The following OSBPL10 variants were observed in gnomAD, a reference collection of about 807,000 sequenced individuals.
OSBPL10 encodes the protein oxysterol binding protein like 10.
In OSBPL10, 49 loss-of-function variants were observed where a neutral mutation model predicts 81.7. The ratio of observed to expected loss-of-function variants is 0.60; its 90% CI spans 0.48 to 0.76. The LOEUF (loss-of-function observed/expected upper bound fraction) is 0.76. OSBPL10 is among the 30% of genes least tolerant of loss of function. The pLI, the probability that OSBPL10 is intolerant of heterozygous loss-of-function variation, is 0.00. For synonymous variants in OSBPL10, 419 were observed against 383.6 expected (o/e 1.09, Z -1.08); for missense variants, 923 against 987.8 (o/e 0.93, Z 0.88).
chr3:31,983,098 A>G (rs770507567), upstream of OSBPL10, among the ~76,000 whole-genome samples: 2 of 152,236 alleles, frequency 1.3e-5, no homozygotes, highest in Admixed American at 6.5e-5. Flanking sequence ...AGTGTTGGCC[A>G]TGTAACATGC....
At chr3:31,958,020 A>C (rs1380294202) in intron 1 of OSBPL10, among the ~76,000 whole-genome samples, 1 of 152,144 alleles carries the variant, frequency 6.6e-6, no homozygotes, top group Admixed American at 6.5e-5. Flanking sequence ...TTCTTGGTTT[A>C]TTGTGTGTGC....
chr3:31,672,748 C>T (rs917646596), intron 8 of OSBPL10, among the ~76,000 whole-genome samples: 6 of 151,972 alleles, frequency 3.9e-5, no homozygotes, highest in African/African-American at 1.4e-4. Context: ...TCTGAAAACC[C>T]AAGCTGACAT....
chr3:31,785,694 T>G (rs1698843205), intron 4 of OSBPL10, among the ~76,000 whole-genome samples: 1 of 152,182 alleles, frequency 6.6e-6, no homozygotes, highest in South Asian at 2.1e-4. Flanking sequence ...CCTCGGCATG[T>G]TTCTCAGTCC....
At chr3:31,687,924 A>T (rs200468032) in intron 7 of OSBPL10, among the ~76,000 whole-genome samples, 1 of 114,984 alleles carries the variant, frequency 8.7e-6, no homozygotes, top group African/African-American at 2.9e-5. Context: ...TAATAATAAT[A>T]ATTTTTTTAA....
intron 8 of OSBPL10, among the ~76,000 whole-genome samples, chr3:31,680,557 G>C (rs1220917736): frequency 6.6e-6 from 1 of 152,212 alleles, no homozygotes; most frequent in African/African-American, 2.4e-5. Context: ...GTGAAATGAG[G>C]ATAGCTGGAC....
intron 8 of OSBPL10, among the ~76,000 whole-genome samples, chr3:31,677,491 C>T (rs1700508506): frequency 1.3e-5 from 2 of 152,290 alleles, no homozygotes; most frequent in South Asian, 4.1e-4. Context: ...AGTCTCTCTC[C>T]AGAATCTTCT....
chr3:31,766,964 G>A (rs1309643363), intron 4 of OSBPL10, among the ~76,000 whole-genome samples: 2 of 152,082 alleles, frequency 1.3e-5, no homozygotes, highest in Non-Finnish European at 2.9e-5. Context: ...AAAGCCAATA[G>A]AATCTGCCAG....
chr3:31,942,557 T>TAAAAAAA (rs1697569784), intron 1 of OSBPL10, among the ~76,000 whole-genome samples: 1 of 114,256 alleles, frequency 8.8e-6, no homozygotes, highest in African/African-American at 3.6e-5. Flanking sequence ...AAAAAAAAAG[T>TAAAAAAA]GACACATTTC....
intron 11 of OSBPL10, 188 bp downstream of exon 11, chr3:31,663,891 G>A: frequency 6.8e-7 from 1 of 1,470,776 alleles, no homozygotes; most frequent in Non-Finnish European, 9.0e-7. Flanking sequence ...AAGGTTTCAT[G>A]AATATTGTGG....
chr3:31,866,087 G>A (rs62243014), intron 3 of OSBPL10, among the ~76,000 whole-genome samples: 24 of 151,976 alleles, frequency 1.6e-4, no homozygotes, highest in Admixed American at 1.0e-3. Flanking sequence ...ACCCCAGGGC[G>A]GGAAAAAGTC....
intron 2 of OSBPL10, among the ~76,000 whole-genome samples, chr3:32,026,061 A>AGATGATAGATAGATAGATGATT (rs71628593): frequency 4.1e-4 from 37 of 90,810 alleles, no homozygotes; most frequent in Non-Finnish European, 5.2e-4. Context: ...GATAGATGAT[A>AGATGATAGATAGATAGATGATT]GATAGATAGA....
intron 3 of OSBPL10, among the ~76,000 whole-genome samples, chr3:31,867,234 G>A (rs1257460702): frequency 1.3e-5 from 2 of 152,146 alleles, no homozygotes; most frequent in Non-Finnish European, 2.9e-5. Context: ...CCAGGAGAGA[G>A]TCAGGCCTGG....
At chr3:31,841,244 G>A (rs1238571534) in intron 3 of OSBPL10, among the ~76,000 whole-genome samples, 1 of 152,228 alleles carries the variant, frequency 6.6e-6, no homozygotes, top group African/African-American at 2.4e-5. Context: ...TTTAGATCCT[G>A]TCTTGGACTT....
At chr3:31,718,449 A>G (rs1696524238) in intron 6 of OSBPL10, among the ~76,000 whole-genome samples, 1 of 152,194 alleles carries the variant, frequency 6.6e-6, no homozygotes, top group Non-Finnish European at 1.5e-5. Context: ...TTTCTGTAGC[A>G]TAAAATAACA....
chr3:31,967,181 G>A (rs544625247), intron 1 of OSBPL10, among the ~76,000 whole-genome samples: 1 of 152,096 alleles, frequency 6.6e-6, no homozygotes, highest in Non-Finnish European at 1.5e-5. Context: ...TTCCCTCACT[G>A]AGACATCTTT....
chr3:31,904,173 T>C (rs1048309569), intron 1 of OSBPL10, among the ~76,000 whole-genome samples: 1 of 152,164 alleles, frequency 6.6e-6, no homozygotes, highest in African/African-American at 2.4e-5. Context: ...TTGCCCACTT[T>C]AATCCACCTC....
At chr3:32,045,228 T>G (rs1275890895) in intron 2 of OSBPL10, among the ~76,000 whole-genome samples, 1 of 152,202 alleles carries the variant, frequency 6.6e-6, no homozygotes, top group Non-Finnish European at 1.5e-5. Flanking sequence ...GGTGCAGGCA[T>G]TCTACCAGGA....
intron 2 of OSBPL10, among the ~76,000 whole-genome samples, chr3:32,001,984 GAAGT>G (rs1699153512): frequency 6.6e-6 from 1 of 152,168 alleles, no homozygotes; most frequent in South Asian, 2.1e-4. Context: ...GAGGCACACA[GAAGT>G]AAGACATTCA....
chr3:31,764,728 G>A (rs1698147416), intron 4 of OSBPL10, among the ~76,000 whole-genome samples: 1 of 152,162 alleles, frequency 6.6e-6, no homozygotes, highest in Admixed American at 6.5e-5. Flanking sequence ...CCCAGCAAGG[G>A]TGGAGCATTT....
Sources: allele counts gnomAD v4.1 joint callset (sites outside exome capture counted in the v4.1 genomes callset), GRCh38; gene constraint gnomAD v4.1.1; transcripts MANE v1.5; gene names NCBI Gene and HGNC (gene_info 2026-07-23, HGNC 2026-07-21).